ST18: variants seen among roughly 807,000 people sequenced by gnomAD.
ST18 encodes ST18 C2H2C-type zinc finger transcription factor.
ST18 carries 50 observed loss-of-function variants against 110.0 expected under a neutral mutation model. That is an observed-to-expected ratio of 0.45 (90% CI 0.36 to 0.58). The LOEUF is 0.58. ST18 is among the 20% of genes least tolerant of loss of function. The probability of loss-of-function intolerance (pLI) is 0.00; values close to 1 mark genes in which losing one functional copy is unlikely to be tolerated. For missense variants in ST18, 1,306 were observed against 1,280.1 expected (o/e 1.02, Z -0.31); for synonymous variants, 461 against 452.4 (o/e 1.02, Z -0.24).
chr8:52,394,868 C>T (rs1034515140), intron 2 of ST18, among the ~76,000 whole-genome samples: 4 of 152,138 alleles, frequency 2.6e-5, no homozygotes, highest in Non-Finnish European at 5.9e-5. Context: ...GTCTTCTGTG[C>T]TTGGTATTAA....
intron 2 of ST18, among the ~76,000 whole-genome samples, chr8:52,379,089 A>C (rs1833496501): frequency 2.6e-5 from 1 of 38,176 alleles, no homozygotes; most frequent in Non-Finnish European, 1.5e-4. Context: ...AATAAAATCT[A>C]TTTCTTTTCT....
chr8:52,240,595 T>C (rs540068440), intron 2 of ST18, among the ~76,000 whole-genome samples: 62 of 152,344 alleles, frequency 4.1e-4, no homozygotes, highest in African/African-American at 1.2e-3. Flanking sequence ...AAAACTTTTC[T>C]GTCTTCTTAT....
intron 2 of ST18, among the ~76,000 whole-genome samples, chr8:52,344,059 C>T (rs1177834795): frequency 6.6e-6 from 1 of 152,074 alleles, no homozygotes; most frequent in Non-Finnish European, 1.5e-5. Flanking sequence ...ATAGCTGTGT[C>T]ATCATTAATA....
intron 11 of ST18, 81 bp downstream of exon 11, chr8:52,166,771 C>A: frequency 2.9e-6 from 4 of 1,382,468 alleles, no homozygotes; most frequent in Non-Finnish European, 9.5e-7. Context: ...ATTCCTAATT[C>A]CAAATTGGGA....
chr8:52,345,754 T>G (rs868789755), intron 2 of ST18, among the ~76,000 whole-genome samples: 43 of 152,218 alleles, frequency 2.8e-4, no homozygotes, highest in Admixed American at 2.2e-3. Flanking sequence ...GGAAAAGCCT[T>G]CGTATTCTGA....
chr8:52,185,417 G>T (rs2071658879), intron 8 of ST18, among the ~76,000 whole-genome samples: 1 of 152,094 alleles, frequency 6.6e-6, no homozygotes, highest in African/African-American at 2.4e-5. Context: ...AAGTTTACAA[G>T]TTAATTCTAC....
At chr8:52,177,739 C>T (rs896543356) in intron 9 of ST18, among the ~76,000 whole-genome samples, 2 of 152,166 alleles carry the variant, frequency 1.3e-5, no homozygotes, top group African/African-American at 4.8e-5. Context: ...AATTATTTTG[C>T]TTGTCCTTCC....
chr8:52,161,400 T>C lies in ST18; in HGVS notation c.1569A>G (p.Gly523=), dbSNP rs763875284. ...GKRPLIQTVQ[G]RKTPPFPESK... is the part of the protein sequence containing the mutation. ...ATTCAGGAAATGGTGGTGTTTTTCG[T>C]CCTTGCACTGTTTGTATGAGAGGGC... Residue 523 remains glycine, a synonymous_variant, in exon 14 of 26, where the codon GGA becomes GGG. Transcript: ENST00000689386. 6.8e-6 allele frequency: 11 copies of C among 1,614,016 alleles called. No homozygotes were observed. In the East Asian group the frequency reaches 1.8e-4, roughly 26 times the overall value.
At chr8:52,388,454 C>T (rs1837757185) in intron 2 of ST18, among the ~76,000 whole-genome samples, 1 of 152,066 alleles carries the variant, frequency 6.6e-6, no homozygotes, top group Non-Finnish European at 1.5e-5. Flanking sequence ...TTTATAGGAG[C>T]ACGTTGCACA....
In ST18 at chr8:52,280,894, C is replaced by T. The variant is rs73679030; in HGVS notation, c.-464-50817G>A. The stretch of plus-strand genomic sequence containing the variant: ...ACTTGAGCTAAAAGACACATATACC[C>T]CCAGTATTCTTTATAAACATACATA... On this transcript the variant is annotated intron_variant, in intron 2 of 25. Transcript: ENST00000689386. Among the ~76,000 whole-genome samples the T allele has an allele frequency of 8.2e-3, 1,245 of 151,888 alleles. 19 individuals carry two copies. Among genetic ancestry groups the T allele is most frequent in the African/African-American group, 0.028 (1,162 of 41,472 alleles).
chr8:52,340,931 C>T (rs906599409), intron 2 of ST18, among the ~76,000 whole-genome samples: 21 of 152,210 alleles, frequency 1.4e-4, no homozygotes, highest in African/African-American at 4.8e-4. Context: ...AGTTTCTATG[C>T]CTCTTTCCTG....
chr8:52,382,752 A>ATT (rs57816349), intron 2 of ST18, among the ~76,000 whole-genome samples: 8 of 143,380 alleles, frequency 5.6e-5, no homozygotes, highest in South Asian at 2.3e-4. Flanking sequence ...TTCATTTACA[A>ATT]TTTTTTTTTT....
At chr8:52,391,069 T>C (rs1195859109) in intron 2 of ST18, among the ~76,000 whole-genome samples, 1 of 152,204 alleles carries the variant, frequency 6.6e-6, no homozygotes, top group African/African-American at 2.4e-5. Flanking sequence ...AGCCTCTGTC[T>C]ATTGTGCACT....
At chr8:52,207,690 C>T (rs953528162) in intron 8 of ST18, among the ~76,000 whole-genome samples, 1 of 152,116 alleles carries the variant, frequency 6.6e-6, no homozygotes, top group Admixed American at 6.5e-5. Flanking sequence ...AATTGGTACA[C>T]AGCAAAAAGA....
intron 2 of ST18, among the ~76,000 whole-genome samples, chr8:52,265,196 T>C (rs2094827647): frequency 6.6e-6 from 1 of 152,090 alleles, no homozygotes; most frequent in Non-Finnish European, 1.5e-5. Flanking sequence ...GCCGAAGCCC[T>C]AAGGAGATAG....
At chr8:52,401,955 G>A (rs543005975) in intron 2 of ST18, among the ~76,000 whole-genome samples, 6 of 152,180 alleles carry the variant, frequency 3.9e-5, no homozygotes, top group African/African-American at 9.6e-5. Context: ...AAAGACTTTC[G>A]CCTGTAGATG....
At chr8:52,205,798 C>A (rs1404579906) in intron 8 of ST18, among the ~76,000 whole-genome samples, 1 of 152,072 alleles carries the variant, frequency 6.6e-6, no homozygotes, top group Non-Finnish European at 1.5e-5. Context: ...AAACTCCTAA[C>A]CTCAAGCGTT....
chr8:52,195,377 CTTTT>C (rs1257115793), intron 8 of ST18, among the ~76,000 whole-genome samples: 7 of 152,050 alleles, frequency 4.6e-5, no homozygotes, highest in East Asian at 1.9e-4. Context: ...AAAATACTTT[CTTTT>C]GAGTATATAA....
rs2045751760 is a variant in ST18, at chr8:52,123,381, C to G, written c.2755+2671G>C. Among the ~76,000 whole-genome samples the G allele has an allele frequency of 5.3e-5, 8 of 152,294 alleles. No individual in the cohort carries two copies. The South Asian group carries it at 1.7e-3, about 32-fold the overall frequency. ...TAATGTCTGAAGGTGTGTTGGTTTA[C>G]ATCTACTTTAAAGATCATCCAGAGA... On this transcript the variant is annotated intron_variant, in intron 23 of 25. Coordinates refer to ENST00000689386, the MANE Select transcript of ST18 (RefSeq NM_001352837.2).
Sources: allele counts gnomAD v4.1 joint callset (sites outside exome capture counted in the v4.1 genomes callset), GRCh38; gene constraint gnomAD v4.1.1; transcripts MANE v1.5; gene names NCBI Gene and HGNC (gene_info 2026-07-23, HGNC 2026-07-21).